MUC5B: variants seen among roughly 807,000 people sequenced by gnomAD.
MUC5B encodes the protein mucin-5B.
MUC5B carries 116 observed loss-of-function variants against 376.9 expected under a neutral mutation model. The ratio of observed to expected loss-of-function variants is 0.31; its 90% confidence interval spans 0.26 to 0.36. The LOEUF (loss-of-function observed/expected upper bound fraction) is 0.36. Among genes scored for constraint, MUC5B ranks in the 10% least tolerant of loss-of-function variants. MUC5B has a pLI of 1.00. For synonymous variants in MUC5B, 3,517 were observed against 3,390.9 expected (o/e 1.04, Z -1.29); for missense variants, 7,165 against 7,769.9 (o/e 0.92, Z 2.93).
Position 1,247,946 on chromosome 11 carries a change from C to G in MUC5B, c.11066C>G (p.Thr3689Arg). The G allele has an allele frequency of 6.2e-7, 1 of 1,611,402 alleles. No homozygotes were observed. The highest frequency in any genetic ancestry group is 8.5e-7 in the Non-Finnish European group (1 of 1,178,354). The change falls in exon 31 of 49, where the codon ACG (threonine) becomes AGG (arginine). Residue 3689 changes from threonine to arginine, a missense_variant. Thr to Arg is a moderately conservative substitution (Grantham distance 71). Around this residue, in one of 31 missense-constraint regions of MUC5B, gnomAD observed 90 missense variants for 71.1 expected, o/e 1.27. Coordinates refer to ENST00000529681, the MANE Select transcript of MUC5B (RefSeq NM_002458.3). Reference sequence around the variant, plus strand: ...GCCACGCCCTCCTCAACTCCGGGGACGACCTGGATCCTCACAAAGCTGACC... The same window carrying G: ...GCCACGCCCTCCTCAACTCCGGGGAGGACCTGGATCCTCACAAAGCTGACC... ...STATPSSTPGTTWILTKLTTT... is the reference protein window; with the variant it reads ...STATPSSTPGRTWILTKLTTT...
intron 34 of MUC5B, among the ~76,000 whole-genome samples, 154 bp from the exon 35 acceptor site, chr11:1,254,540 G>A (rs930691959): frequency 6.6e-6 from 1 of 152,196 alleles, no homozygotes; most frequent in Non-Finnish European, 1.5e-5. Flanking sequence ...GCAGCCAGCT[G>A]GAGACTCCAG....
At position 1,260,557 on chromosome 11, in the gene MUC5B, G is replaced by A. The variant is rs56152756; in HGVS notation, c.16967-69G>A. On this transcript the variant is annotated intron_variant, in intron 47 of 48. Coordinates refer to ENST00000529681, the MANE Select transcript of MUC5B (RefSeq NM_002458.3). Reference sequence around the variant, plus strand: ...GAGGGGTGGTCCCATGGGGAGGGTCGGCCCAGCAAGTCCAGGCCCTCAGAG... The same window carrying A: ...GAGGGGTGGTCCCATGGGGAGGGTCAGCCCAGCAAGTCCAGGCCCTCAGAG... 0.037 allele frequency: 56,087 copies of A among 1,501,852 alleles called. 1,341 individuals carry two copies. Among genetic ancestry groups the A allele is most frequent in the African/African-American group, 0.092 (6,682 of 72,506 alleles). 93.0% of individuals were successfully genotyped at this position (1,501,852 alleles called of 1,614,324 possible).
intron 45 of MUC5B, 55 bp downstream of exon 45, chr11:1,259,897 C>T: frequency 2.5e-6 from 4 of 1,612,076 alleles, no homozygotes; most frequent in Non-Finnish European, 3.4e-6. Context: ...GAGACCCTCA[C>T]CCCCAATGGG....
In MUC5B at chr11:1,244,232, C is replaced by G. The variant is rs778718571; in HGVS notation, c.7352C>G (p.Ser2451Cys). Residue 2451 changes from serine (S) to cysteine (C), a missense_variant, in exon 31 of 49, where the codon TCC becomes TGC. Around this residue, in one of 31 missense-constraint regions of MUC5B, gnomAD observed 194 missense variants for 268.5 expected, o/e 0.72. Transcript: ENST00000529681. The part of the protein sequence containing the change: ...TTATTTESTG[S>C]TATPSSTPGT... ...GCCACTACGACTGAGTCCACTGGAT[C>G]CACGGCCACCCCGTCCTCCACCCCA... 1.2e-6 allele frequency: 2 copies of G among 1,612,192 alleles called. No homozygotes were observed. Among genetic ancestry groups the G allele is most frequent in the Non-Finnish European group, 1.7e-6 (2 of 1,178,888 alleles).
At chr11:1,223,895 C>T (rs1437224508) in intron 1 of MUC5B, among the ~76,000 whole-genome samples, 1 of 152,242 alleles carries the variant, frequency 6.6e-6, no homozygotes, top group Non-Finnish European at 1.5e-5. Context: ...CATGAGGCTG[C>T]TGCAGCCCCT....
Position 1,260,748 on chromosome 11 carries a change from T to C in MUC5B, c.17069+20T>C. On this transcript the variant is annotated intron_variant, in intron 48 of 48. Transcript: ENST00000529681. The stretch of plus-strand genomic sequence containing the variant: ...GTCCAAGTGAGTGGGCTCCTGGCCC[T>C]GTGCCAAGAGCACCTGCGTGTGGTG... The C allele has an allele frequency of 6.4e-7, 1 of 1,569,022 alleles. No individual in the cohort carries two copies. Among genetic ancestry groups the C allele is most frequent in the East Asian group, 2.3e-5 (1 of 43,846 alleles).
Position 1,247,977 on chromosome 11 carries a change from AG to A in MUC5B, c.11098del (p.Ala3700ProfsTer32), listed in dbSNP as rs1862543782. The A allele has an allele frequency of 6.2e-7, 1 of 1,610,500 alleles. No individual in the cohort carries two copies. Among genetic ancestry groups the A allele is most frequent in the Non-Finnish European group, 8.5e-7 (1 of 1,177,840 alleles). Reference protein sequence around the residue: ...TWILTKLTTTATTTESTGSTA... With the variant: ...TWILTKLTTTXTTTESTGSTA... ...GGATCCTCACAAAGCTGACCACAAC[AG>A]CCACTACGACTGAGTCCACTGGATC... On this transcript the variant is annotated frameshift_variant, in exon 31 of 49. Coordinates refer to ENST00000529681, the MANE Select transcript of MUC5B (RefSeq NM_002458.3). LOFTEE classifies it high-confidence loss of function.
chr11:1,248,577 C>G lies in MUC5B; in HGVS notation c.11697C>G (p.Thr3899=), dbSNP rs1334832009. 2 of 1,612,928 alleles carry G rather than the reference C, an allele frequency of 1.2e-6. No individual in the cohort carries two copies. The highest frequency in any genetic ancestry group is 1.7e-6 in the Non-Finnish European group (2 of 1,179,446). ...TCAGCACAACCACCACACCCACAAC[C>G]AGTGGCTCCACGGTGACCCCCTCCT... ...VWISTTTTPT[T]SGSTVTPSSV... The change falls in exon 31 of 49, where the codon ACC becomes ACG. Residue 3899 remains threonine, a synonymous_variant. Transcript: ENST00000529681.
At position 1,249,713 on chromosome 11, in the gene MUC5B, C is replaced by G; in HGVS notation, c.12833C>G (p.Pro4278Arg). Residue 4278 changes from proline to arginine, a missense_variant, in exon 31 of 49, where the codon CCT becomes CGT. By Grantham distance (103) the Pro-to-Arg change is moderately radical. Around this residue, in one of 31 missense-constraint regions of MUC5B, gnomAD observed 431 missense variants for 390.4 expected, o/e 1.10. Transcript: ENST00000529681. ...TCCTCCACCCCGGGAACAGCTCCCCCTCCCAAAGTGCTGACCAGCCCGGCC... is the reference window on the plus strand; with the variant it reads ...TCCTCCACCCCGGGAACAGCTCCCCGTCCCAAAGTGCTGACCAGCCCGGCC... The part of the protein sequence containing the change: ...TPSSTPGTAP[P>R]PKVLTSPATT... 2 of 1,609,554 alleles carry G rather than the reference C, an allele frequency of 1.2e-6. No individual in the cohort carries two copies. The highest frequency in any genetic ancestry group is 2.2e-5 in the East Asian group (1 of 44,642).
intron 30 of MUC5B, among the ~76,000 whole-genome samples, chr11:1,240,635 C>T (rs1862259616): frequency 6.6e-6 from 1 of 152,240 alleles, no homozygotes; most frequent in South Asian, 2.1e-4. Context: ...TCAGCACGGC[C>T]TATCCCAGCC....
In MUC5B at chr11:1,251,444, C is replaced by A; in HGVS notation, c.14564C>A (p.Ala4855Asp). ...ATCCTCACAGAGCCGAGCACTATAG[C>A]CACCGTGATGGTGCCCACCGGTTCC... ...TWILTEPSTI[A>D]TVMVPTGSTA... is the part of the protein sequence containing the mutation. The change falls in exon 31 of 49, where the codon GCC becomes GAC. Residue 4855 changes from alanine (A) to aspartate (D), a missense_variant. Transcript: ENST00000529681. 6.2e-7 allele frequency: 1 copy of A among 1,612,254 alleles called. No homozygotes were observed. Among genetic ancestry groups the A allele is most frequent in the African/African-American group, 1.3e-5 (1 of 75,022 alleles).
In MUC5B at chr11:1,246,722, C is replaced by A; in HGVS notation, c.9842C>A (p.Thr3281Asn). The A allele has an allele frequency of 6.2e-7, 1 of 1,609,140 alleles. No individual in the cohort carries two copies. The highest frequency in any genetic ancestry group is 8.5e-7 in the Non-Finnish European group (1 of 1,176,962). ...PETVHTSTVL[T>N]TTTTTTRATG... is the part of the protein sequence containing the mutation. ...ACTGTCCACACCTCCACAGTGCTTA[C>A]CACCACGACCACCACAACCAGGGCC... The change falls in exon 31 of 49, where the codon ACC becomes AAC. Residue 3281 changes from threonine (T) to asparagine (N), a missense_variant. Transcript: ENST00000529681.
At position 1,232,780 on chromosome 11, in the gene MUC5B, C is replaced by A; in HGVS notation, c.2065+10C>A. ...AGGGACGGCGTCTGCAGTGAGTGCC[C>A]ACGCTGGGGGTGGGATGTGTCCACA... On this transcript the variant is annotated intron_variant, in intron 17 of 48. Transcript: ENST00000529681. 1 of 1,585,250 alleles carries A rather than the reference C, an allele frequency of 6.3e-7. No individual in the cohort carries two copies. The highest frequency in any genetic ancestry group is 8.6e-7 in the Non-Finnish European group (1 of 1,163,842).
In MUC5B at chr11:1,226,257, T is replaced by C. The variant is rs1327160923; in HGVS notation, c.180T>C (p.Thr60=). ...GCGTGAGCTTTGTTCCACCCGTCAC[T>C]GTCTTCCCCAGCCTGAGCCGTAAGC... ...TRRVSFVPPV[T]VFPSLSPLNP... The change falls in exon 3 of 49, where the codon ACT becomes ACC. Residue 60 remains threonine (T), a synonymous_variant. Coordinates refer to ENST00000529681, the MANE Select transcript of MUC5B (RefSeq NM_002458.3). The C allele has an allele frequency of 6.4e-7, 1 of 1,556,734 alleles. No homozygotes were observed. Among genetic ancestry groups the C allele is most frequent in the South Asian group, 1.2e-5 (1 of 84,314 alleles).
intron 34 of MUC5B, 25 bp downstream of exon 34, chr11:1,254,376 A>G: frequency 6.3e-7 from 1 of 1,596,890 alleles, no homozygotes; most frequent in East Asian, 2.2e-5. Context: ...CGGGTGGCAC[A>G]GTGTTGGCCC....
At position 1,238,937 on chromosome 11, in the gene MUC5B, T is replaced by C; in HGVS notation, c.3364T>C (p.Cys1122Arg). 1 of 1,575,388 alleles carries C rather than the reference T, an allele frequency of 6.3e-7. No homozygotes were observed. Among genetic ancestry groups the C allele is most frequent in the Non-Finnish European group, 8.6e-7 (1 of 1,160,780 alleles). ...DACACDSGGD[C>R]ECFCTAVAAY... ...GTGTGCCTGCGACTCGGGTGGCGAC[T>C]GCGAGTGTTTCTGCACGGCTGTGGC... The change falls in exon 26 of 49, where the codon TGC becomes CGC. Residue 1122 changes from cysteine (C) to arginine (R), a missense_variant. Physicochemically the swap from Cys to Arg is radical, Grantham distance 180 (BLOSUM62 -3). This residue lies in a region of MUC5B where 143 missense variants were observed against 193.2 expected (regional missense o/e 0.74). Coordinates refer to ENST00000529681, the MANE Select transcript of MUC5B (RefSeq NM_002458.3).
In MUC5B at chr11:1,242,054, C is replaced by T; in HGVS notation, c.5174C>T (p.Ser1725Phe). ...CTGGCCCCAACAACAATGGCAACCT[C>T]CAGAGCTCGCCCGACAGGCACAGCC... ...PTLAPTTMAT[S>F]RARPTGTAST... Residue 1725 changes from serine (S) to phenylalanine (F), a missense_variant, in exon 31 of 49, where the codon TCC becomes TTC. Transcript: ENST00000529681. 6.3e-7 allele frequency: 1 copy of T among 1,597,338 alleles called. No homozygotes were observed. The highest frequency in any genetic ancestry group is 1.1e-5 in the South Asian group (1 of 89,142).
chr11:1,258,832 C>A lies in MUC5B; in HGVS notation c.16594-110C>A, dbSNP rs2133854486. ...ATGCTCAGCCAGGGGTGCATCTATGCTCCATCTGAGGAAGGAACAACTCCC... is the reference window on the plus strand; with the variant it reads ...ATGCTCAGCCAGGGGTGCATCTATGATCCATCTGAGGAAGGAACAACTCCC... On this transcript the variant is annotated intron_variant, in intron 43 of 48. Coordinates refer to ENST00000529681, the MANE Select transcript of MUC5B (RefSeq NM_002458.3). This position sits in a 1 kb window ranked among gnomAD's most constrained non-coding sequence, Gnocchi z 5.5. 2.8e-6 allele frequency: 4 copies of A among 1,424,942 alleles called. No individual in the cohort carries two copies. The highest frequency in any genetic ancestry group is 3.8e-6 in the Non-Finnish European group (4 of 1,058,494). The allele number at this position is 1,424,942 out of a possible 1,614,324, so 88.3% of individuals were successfully genotyped here.
chr11:1,231,598 G>A (rs1428206788), intron 14 of MUC5B, 38 bp downstream of exon 14: 1 of 1,540,684 alleles, frequency 6.5e-7, no homozygotes, highest in South Asian at 1.2e-5. Flanking sequence ...CAGGGCCATT[G>A]GGGACGGGGC....
Sources: gnomAD v4.1 joint callset for allele counts (sites outside exome capture counted in the v4.1 genomes callset) on GRCh38, gnomAD v4.1.1 for gene constraint, gnomAD v4.1.1 regional missense constraint, Gnocchi (gnomAD v3.1) non-coding constraint, MANE v1.5 for transcripts, NCBI Gene and HGNC (gene_info 2026-07-23, HGNC 2026-07-21) for gene names.